Variants in HOOK3 observed in about 807,000 individuals in gnomAD.
HOOK3 encodes protein Hook homolog 3.
A neutral mutation model predicts 116.3 loss-of-function variants in HOOK3; 24 were observed. The observed-to-expected ratio is 0.21, with a 90% CI of 0.15 to 0.29. The LOEUF is 0.29. Among genes scored for constraint, HOOK3 ranks in the 10% least tolerant of loss-of-function variants. The probability of loss-of-function intolerance (pLI) is 1.00; values close to 1 mark genes in which losing one functional copy is unlikely to be tolerated. For synonymous variants in HOOK3, 275 were observed against 283.0 expected (o/e 0.97, Z 0.28); for missense variants, 632 against 830.2 (o/e 0.76, Z 2.93).
chr8:43,008,265 G>A (rs1309976722), intron 18 of HOOK3, among the ~76,000 whole-genome samples: 2 of 151,900 alleles, frequency 1.3e-5, no homozygotes, highest in Non-Finnish European at 2.9e-5. Flanking sequence ...TGATCTGCCC[G>A]CCTCGGCCTC....
chr8:42,977,667 G>A (rs979354419), intron 13 of HOOK3, among the ~76,000 whole-genome samples: 5 of 152,108 alleles, frequency 3.3e-5, no homozygotes, highest in Non-Finnish European at 7.4e-5. Flanking sequence ...AGGAGTCGGA[G>A]ACCAGCCTGG....
chr8:42,989,611 C>T lies in HOOK3; in HGVS notation c.1532+2816C>T, dbSNP rs543705241. On this transcript the variant is annotated intron_variant, in intron 15 of 21. Transcript: ENST00000307602. ...TTATCATTTATGTTACGAACAATCC[C>T]ATTATACTCTTTAGTTATTTTTAAA... Among the ~76,000 whole-genome samples, 116 of 152,238 alleles carry T rather than the reference C, an allele frequency of 7.6e-4. 2 individuals carry two copies. The South Asian group carries it at 0.017, about 22-fold the overall frequency.
chr8:42,902,278 T>C (rs892978980), intron 1 of HOOK3, among the ~76,000 whole-genome samples: 115 of 143,884 alleles, frequency 8.0e-4, no homozygotes, highest in African/African-American at 2.3e-3. Context: ...CTCTCTCTCT[T>C]TTTTTTTTTT....
rs775148137 is a variant in HOOK3 at position 42,964,234 on chromosome 8, A to G, written c.616-77A>G. On this transcript the variant is annotated intron_variant, in intron 8 of 21. Coordinates refer to ENST00000307602, the MANE Select transcript of HOOK3 (RefSeq NM_032410.4). ...AATCTATATATAGGCTTTAATTTGT[A>G]ATGGTAATTCACAAGTGATTGAGCT... The G allele has an allele frequency of 3.3e-4, 456 of 1,399,372 alleles. 3 individuals are homozygous for G. Among genetic ancestry groups the G allele is most frequent in the Middle Eastern group, 1.4e-3 (8 of 5,548 alleles). 86.7% of individuals were successfully genotyped at this position (1,399,372 alleles called of 1,614,324 possible).
chr8:43,007,882 A>G lies in HOOK3; in HGVS notation c.1691A>G (p.Lys564Arg). The part of the protein sequence containing the change: ...KLHEANNELQ[K>R]KRAIIEDLEP... ...CATGAGGCCAATAATGAACTACAGA[A>G]GAAGAGAGCCATTATTGAAGATCTC... Residue 564 changes from lysine to arginine, a missense_variant, in exon 18 of 22, where the codon AAG becomes AGG. Around this residue, in one of 3 missense-constraint regions of HOOK3, gnomAD observed 483 missense variants for 648.1 expected, o/e 0.75. Transcript: ENST00000307602. 1 of 1,601,240 alleles carries G rather than the reference A, an allele frequency of 6.2e-7. No individual in the cohort carries two copies. Among genetic ancestry groups the G allele is most frequent in the South Asian group, 1.1e-5 (1 of 88,940 alleles).
chr8:43,018,570 G>C lies in HOOK3; in HGVS notation c.*72G>C. On this transcript the variant is annotated 3_prime_UTR_variant, in exon 22 of 22. Coordinates refer to ENST00000307602, the MANE Select transcript of HOOK3 (RefSeq NM_032410.4). ...TCTGTTACACACAAGAACATTTCAG[G>C]AAACTCAGCCAGCTTATTTTTTGTT... 2 of 1,394,406 alleles carry C rather than the reference G, an allele frequency of 1.4e-6. No homozygotes were observed. Among genetic ancestry groups the C allele is most frequent in the Non-Finnish European group, 1.9e-6 (2 of 1,057,684 alleles). 86.4% of individuals were successfully genotyped at this position (1,394,406 alleles called of 1,614,324 possible). A position where few individuals can be genotyped will look rare whatever the true frequency, so the allele number is the denominator to read the frequency against.
At chr8:42,920,890 A>G (rs1028316139) in intron 2 of HOOK3, among the ~76,000 whole-genome samples, 7 of 152,232 alleles carry the variant, frequency 4.6e-5, no homozygotes, top group African/African-American at 1.7e-4. Context: ...TGTTGCTGAT[A>G]TAATACAGAT....
At chr8:42,991,551 A>G (rs1271081442) in intron 15 of HOOK3, among the ~76,000 whole-genome samples, 5 of 151,946 alleles carry the variant, frequency 3.3e-5, no homozygotes, top group African/African-American at 4.8e-5. Flanking sequence ...TACAGGCATG[A>G]GCCACCACGC....
intron 19 of HOOK3, among the ~76,000 whole-genome samples, chr8:43,012,533 G>A (rs1249485304): frequency 2.6e-5 from 4 of 152,056 alleles, no homozygotes; most frequent in Non-Finnish European, 5.9e-5. Context: ...TTTTATGTTT[G>A]TACAAATATT....
chr8:42,965,798 AGAAACC>A (rs1234574563), intron 9 of HOOK3, among the ~76,000 whole-genome samples: 1 of 151,724 alleles, frequency 6.6e-6, no homozygotes, highest in Non-Finnish European at 1.5e-5. Context: ...TAGGCTCCTT[AGAAACC>A]TTAGAAACAG....
chr8:42,909,011 A>G lies in HOOK3; in HGVS notation c.143+2753A>G, dbSNP rs76268550. 4.4e-3 allele frequency among the ~76,000 whole-genome samples: 672 copies of G among 152,330 alleles called. 3 individuals are homozygous for G. Among genetic ancestry groups the G allele is most frequent in the African/African-American group, 0.014 (583 of 41,580 alleles). On this transcript the variant is annotated intron_variant, in intron 2 of 21. Transcript: ENST00000307602. ...AAAAAAGCATGAAGGACTTGAATAAACATTTTCAAAAGAAGATATACAGAT... is the reference window on the plus strand; with the variant it reads ...AAAAAAGCATGAAGGACTTGAATAAGCATTTTCAAAAGAAGATATACAGAT...
intron 5 of HOOK3, among the ~76,000 whole-genome samples, chr8:42,949,140 A>G (rs1808291559): frequency 6.6e-6 from 1 of 152,164 alleles, no homozygotes; most frequent in Admixed American, 6.5e-5. Flanking sequence ...TTCATATACT[A>G]CCTCAAGGAG....
chr8:42,904,209 GAGTTTAGC>G (rs1266100923), intron 1 of HOOK3, among the ~76,000 whole-genome samples: 4 of 151,832 alleles, frequency 2.6e-5, no homozygotes, highest in African/African-American at 9.7e-5. Context: ...TGTCTGTACT[GAGTTTAGC>G]TTCATCCGTG....
chr8:42,984,316 C>T (rs930563865), intron 14 of HOOK3, among the ~76,000 whole-genome samples: 3 of 150,140 alleles, frequency 2.0e-5, no homozygotes, highest in East Asian at 4.0e-4. Flanking sequence ...TGCGGTGAGC[C>T]GAGATCGCGC....
chr8:43,017,636 G>C (rs59213790), intron 21 of HOOK3, among the ~76,000 whole-genome samples: 7,192 of 152,126 alleles, frequency 0.047, 338 homozygotes, highest in African/African-American at 0.12. Context: ...TTTTCCTGAT[G>C]TACTCATAGA....
At chr8:42,978,614 A>G (rs534211503) in intron 13 of HOOK3, among the ~76,000 whole-genome samples, 2 of 152,064 alleles carry the variant, frequency 1.3e-5, no homozygotes, top group South Asian at 2.1e-4. Context: ...GGGTTTCACC[A>G]TGTTGGCCAG....
At chr8:42,997,157 C>T (rs1183423333) in intron 15 of HOOK3, among the ~76,000 whole-genome samples, 1 of 152,188 alleles carries the variant, frequency 6.6e-6, no homozygotes, top group Non-Finnish European at 1.5e-5. Context: ...GTCCATCCAC[C>T]TTGGCCTCCC....
chr8:42,939,056 C>T (rs916817673), intron 4 of HOOK3, among the ~76,000 whole-genome samples: 1 of 152,160 alleles, frequency 6.6e-6, no homozygotes. Context: ...TCAACAGGAT[C>T]CCAAGGCAGA....
At chr8:42,932,197 T>C (rs943930277) in intron 4 of HOOK3, among the ~76,000 whole-genome samples, 4 of 152,186 alleles carry the variant, frequency 2.6e-5, no homozygotes, top group African/African-American at 7.2e-5. Context: ...AAACATGATA[T>C]TTAAGATACA....
Sources: gnomAD v4.1 joint callset for allele counts (sites outside exome capture counted in the v4.1 genomes callset) on GRCh38, gnomAD v4.1.1 for gene constraint, gnomAD v4.1.1 regional missense constraint, MANE v1.5 for transcripts, NCBI Gene and HGNC (gene_info 2026-07-23, HGNC 2026-07-21) for gene names.